Variants in CFAP54 observed in about 807,000 individuals in gnomAD.
The protein encoded by CFAP54 is cilia- and flagella-associated protein 54.
In CFAP54, 290 loss-of-function variants were observed where a neutral mutation model predicts 370.4. The ratio of observed to expected loss-of-function variants is 0.78; its 90% confidence interval spans 0.71 to 0.86. The LOEUF is 0.86. Among genes scored for constraint, CFAP54 ranks in the 40% least tolerant of loss-of-function variants. CFAP54 has a pLI of 0.00. For synonymous variants in CFAP54, 1,206 were observed against 1,236.5 expected (o/e 0.98, Z 0.52); for missense variants, 3,399 against 3,528.7 (o/e 0.96, Z 0.93).
At chr12:96,865,942 G>A (rs753890685) in intron 67 of CFAP54, among the ~76,000 whole-genome samples, 3 of 152,008 alleles carry the variant, frequency 2.0e-5, no homozygotes, top group Admixed American at 1.3e-4. Flanking sequence ...AGATAGTAGA[G>A]CCTTAATAAA....
intron 11 of CFAP54, 54 bp downstream of exon 11, chr12:96,534,281 T>C: frequency 9.9e-7 from 1 of 1,005,552 alleles, no homozygotes; most frequent in Non-Finnish European, 1.4e-6. Context: ...TATGCTCTTT[T>C]ATAGATATGG....
intron 63 of CFAP54, 130 bp from the exon 64 acceptor site, chr12:96,811,606 C>A: frequency 1.9e-6 from 1 of 516,210 alleles, no homozygotes; most frequent in Non-Finnish European, 3.3e-6. Context: ...GAATTGAAAA[C>A]CCAATTTTTC....
At chr12:96,825,765 ATATATATTACATATTATGTAACATAG>A (rs1451057204) in intron 65 of CFAP54, among the ~76,000 whole-genome samples, 66 of 128,088 alleles carry the variant, frequency 5.2e-4, no homozygotes, top group Admixed American at 1.0e-3. Flanking sequence ...ATGTATCATG[ATATATATTACATATTATGTAACATAG>A]TATATATTAC....
At chr12:96,828,880 C>T (rs547925114) in intron 65 of CFAP54, 134 bp from the exon 66 acceptor site, 2 of 438,254 alleles carry the variant, frequency 4.6e-6, no homozygotes, top group South Asian at 1.5e-4. Context: ...ATTTCTGAGC[C>T]CTCTGTCTTA....
At chr12:96,828,276 A>G (rs1315693306) in intron 65 of CFAP54, among the ~76,000 whole-genome samples, 3 of 151,332 alleles carry the variant, frequency 2.0e-5, no homozygotes, top group Non-Finnish European at 4.4e-5. Flanking sequence ...TGAGTTGAGT[A>G]TGGTCATGCA....
chr12:96,508,713 CTT>C (rs11314162), intron 4 of CFAP54, among the ~76,000 whole-genome samples: 410 of 143,272 alleles, frequency 2.9e-3, no homozygotes, highest in African/African-American at 9.2e-3. Flanking sequence ...ATTCTGTTTC[CTT>C]TTTTTTTTTT....
At chr12:96,523,239 A>G (rs747643438) in intron 8 of CFAP54, among the ~76,000 whole-genome samples, 3 of 152,208 alleles carry the variant, frequency 2.0e-5, no homozygotes, top group Non-Finnish European at 4.4e-5. Flanking sequence ...CATCTGGTTC[A>G]GTCCTTTTAT....
chr12:96,701,871 C>T (rs77551924), intron 46 of CFAP54, among the ~76,000 whole-genome samples: 2,615 of 152,120 alleles, frequency 0.017, 62 homozygotes, highest in African/African-American at 0.058. Context: ...TGGGAAACTG[C>T]GCAGTTTTGA....
At chr12:96,806,213 T>TATATATATATATATATAA (rs1392329026) in intron 63 of CFAP54, among the ~76,000 whole-genome samples, 6 of 49,696 alleles carry the variant, frequency 1.2e-4, no homozygotes, top group South Asian at 1.0e-3. Flanking sequence ...TATATATATA[T>TATATATATATATATATAA]AATAACAACA....
rs1360565306 is a variant in CFAP54 at position 96,778,135 on chromosome 12, T to G, written c.8282-6582T>G. ...GAGTCTTTATGTTTGCAGCTACATT[T>G]AAAATCTAACAAGTTATTTTATTAT... is the stretch of plus-strand genomic sequence containing the variant. On this transcript the variant is annotated intron_variant, in intron 60 of 67. Coordinates refer to ENST00000524981, the MANE Select transcript of CFAP54 (RefSeq NM_001306084.2). Among the ~76,000 whole-genome samples the G allele has an allele frequency of 2.0e-5, 3 of 152,230 alleles. 1 individual carries two copies. Among genetic ancestry groups the G allele is most frequent in the African/African-American group, 7.2e-5 (3 of 41,452 alleles).
At chr12:96,699,869 A>G in intron 45 of CFAP54, 102 bp from the exon 46 acceptor site, 1 of 962,892 alleles carries the variant, frequency 1.0e-6, no homozygotes. Flanking sequence ...CATTAAGCAG[A>G]AACTTTGGAT....
intron 2 of CFAP54, chr12:96,501,196 G>C (rs1289834171): frequency 3.2e-6 from 1 of 315,846 alleles, no homozygotes; most frequent in East Asian, 6.4e-5. Flanking sequence ...GGGTGGCCGG[G>C]TTAACAGAGG....
At chr12:96,552,775 G>C (rs111640858) in intron 15 of CFAP54, among the ~76,000 whole-genome samples, 1 of 152,188 alleles carries the variant, frequency 6.6e-6, no homozygotes, top group Non-Finnish European at 1.5e-5. Context: ...AGTAAACTTG[G>C]CATCATTGCA....
At chr12:96,734,514 A>G (rs1957958283) in intron 50 of CFAP54, among the ~76,000 whole-genome samples, 2 of 152,196 alleles carry the variant, frequency 1.3e-5, no homozygotes, top group African/African-American at 2.4e-5. Context: ...AAAGGATCTT[A>G]TTTAACCCTT....
At chr12:96,672,805 A>G (rs1027361814) in intron 39 of CFAP54, among the ~76,000 whole-genome samples, 1 of 152,228 alleles carries the variant, frequency 6.6e-6, no homozygotes, top group Non-Finnish European at 1.5e-5. Flanking sequence ...ATGTGAGAAA[A>G]TATGTGAAAA....
At chr12:96,826,972 ATGATTAT>A (rs1959122372) in intron 65 of CFAP54, among the ~76,000 whole-genome samples, 1 of 136,710 alleles carries the variant, frequency 7.3e-6, no homozygotes, top group African/African-American at 2.7e-5. Flanking sequence ...GCAATTATAT[ATGATTAT>A]ATATAATATG....
rs550818915 is a variant in CFAP54, at chr12:96,770,633, C to T, written c.8281+5415C>T. Among the ~76,000 whole-genome samples the T allele has an allele frequency of 1.2e-4, 18 of 152,282 alleles. No individual in the cohort carries two copies. The East Asian group carries it at 2.5e-3, about 21-fold the overall frequency. ...AGGGCCCAGGCCATCAAGATTCACA[C>T]GACAGCAGAAAGCTATGACTCAGGA... On this transcript the variant is annotated intron_variant, in intron 60 of 67. Transcript: ENST00000524981.
chr12:96,772,818 C>G (rs957866712), intron 60 of CFAP54, among the ~76,000 whole-genome samples: 2 of 152,274 alleles, frequency 1.3e-5, no homozygotes, highest in African/African-American at 4.8e-5. Flanking sequence ...CAGGGTTTCA[C>G]CATGTTGGCC....
intron 32 of CFAP54, among the ~76,000 whole-genome samples, chr12:96,631,547 T>A (rs1312607393): frequency 1.3e-5 from 2 of 151,402 alleles, no homozygotes; most frequent in Admixed American, 6.6e-5. Flanking sequence ...AAGTCTACTT[T>A]ATTAATTTCA....
Sources: gnomAD v4.1 joint callset for allele counts (sites outside exome capture counted in the v4.1 genomes callset) on GRCh38, gnomAD v4.1.1 for gene constraint, MANE v1.5 for transcripts, NCBI Gene and HGNC (gene_info 2026-07-23, HGNC 2026-07-21) for gene names.